PCDHA10: variants seen among roughly 807,000 people sequenced by gnomAD.
The protein encoded by PCDHA10 is protocadherin alpha 10.
PCDHA10 carries 45 observed loss-of-function variants against 61.2 expected under a neutral mutation model. The ratio of observed to expected loss-of-function variants is 0.74; its 90% CI spans 0.58 to 0.94. The LOEUF is 0.94. Among genes scored for constraint, PCDHA10 ranks in the 40% least tolerant of loss-of-function variants. The probability of loss-of-function intolerance (pLI) is 0.00; values close to 1 mark genes in which losing one functional copy is unlikely to be tolerated. For synonymous variants in PCDHA10, 602 were observed against 548.8 expected (o/e 1.10, Z -1.35); for missense variants, 1,278 against 1,236.2 (o/e 1.03, Z -0.51).
At chr5:140,870,219 C>A (rs1188426625) in intron 1 of PCDHA10, 2 of 1,614,034 alleles carry the variant, frequency 1.2e-6, no homozygotes, top group Non-Finnish European at 1.7e-6. Flanking sequence ...CCCTGATCAG[C>A]GTGTCTGACC....
intron 1 of PCDHA10, among the ~76,000 whole-genome samples, chr5:140,971,214 C>T (rs1285730991): frequency 6.6e-6 from 1 of 152,172 alleles, no homozygotes; most frequent in African/African-American, 2.4e-5. Flanking sequence ...GTTACCCTCC[C>T]TCTCCTGACT....
chr5:140,972,766 T>G (rs2096555102), intron 1 of PCDHA10, among the ~76,000 whole-genome samples: 1 of 149,250 alleles, frequency 6.7e-6, no homozygotes, highest in African/African-American at 2.5e-5. Flanking sequence ...CAAGTTAAAG[T>G]GATTCTTCTG....
chr5:140,958,492 A>G (rs2095426229), intron 1 of PCDHA10, among the ~76,000 whole-genome samples: 1 of 152,112 alleles, frequency 6.6e-6, no homozygotes, highest in Non-Finnish European at 1.5e-5. Context: ...AAGTCCACAT[A>G]TCCTAGGAGG....
intron 1 of PCDHA10, chr5:140,969,265 A>T: frequency 1.9e-6 from 3 of 1,614,250 alleles, no homozygotes; most frequent in Non-Finnish European, 2.5e-6. Flanking sequence ...GGAATCTCAC[A>T]GGCCAAAGTG....
intron 1 of PCDHA10, among the ~76,000 whole-genome samples, chr5:140,960,717 T>TATTTTAGTCCATG (rs1244851083): frequency 3.3e-5 from 1 of 30,264 alleles, no homozygotes; most frequent in Non-Finnish European, 6.2e-5. Flanking sequence ...ATACTCATCT[T>TATTTTAGTCCATG]ATTTTAGTCC....
At chr5:140,993,958 G>A (rs782075870) in intron 3 of PCDHA10, among the ~76,000 whole-genome samples, 1 of 152,162 alleles carries the variant, frequency 6.6e-6, no homozygotes, top group Non-Finnish European at 1.5e-5. Context: ...ATACATGACT[G>A]TAGTCATCAT....
intron 1 of PCDHA10, among the ~76,000 whole-genome samples, chr5:140,970,254 T>C (rs1315934666): frequency 1.3e-5 from 2 of 152,238 alleles, no homozygotes; most frequent in African/African-American, 4.8e-5. Context: ...TGACAGTTTC[T>C]ATGGTTTTGA....
rs144585858 is a variant in PCDHA10 at position 140,984,129 on chromosome 5, G to A, written c.2536+1566G>A. On this transcript the variant is annotated intron_variant, in intron 3 of 3. Transcript: ENST00000307360. The stretch of plus-strand genomic sequence containing the variant: ...GGTTTTAGACTGCCAAGTGTTGCAG[G>A]ATGTGGAGGCATCTGGGAAGGTGAG... 1.3e-3 allele frequency among the ~76,000 whole-genome samples: 205 copies of A among 152,236 alleles called. 1 individual carries two copies. Among genetic ancestry groups the A allele is most frequent in the Non-Finnish European group, 2.6e-3 (175 of 68,046 alleles).
intron 1 of PCDHA10, chr5:140,870,128 C>T: frequency 6.2e-7 from 1 of 1,613,948 alleles, no homozygotes; most frequent in Non-Finnish European, 8.5e-7. Flanking sequence ...ATCTTGGACA[C>T]CAACGATAAC....
At chr5:140,924,188 T>A (rs2081715328) in intron 1 of PCDHA10, among the ~76,000 whole-genome samples, 1 of 152,146 alleles carries the variant, frequency 6.6e-6, no homozygotes, top group African/African-American at 2.4e-5. Flanking sequence ...AGAAAATTAG[T>A]TTTGGTTTAG....
At position 140,856,217 on chromosome 5, in the gene PCDHA10, G is replaced by C; in HGVS notation, c.169G>C (p.Glu57Gln). ...IAQDLGLELA[E>Q]LVQRLFRVAS... Reference sequence around the variant, plus strand: ...GCAGGACCTGGGGCTGGAGCTGGCGGAGCTGGTGCAGCGCCTGTTCCGGGT... The same window carrying C: ...GCAGGACCTGGGGCTGGAGCTGGCGCAGCTGGTGCAGCGCCTGTTCCGGGT... The change falls in exon 1 of 4, where the codon GAG becomes CAG. Residue 57 changes from glutamate (E) to glutamine (Q), a missense_variant. Physicochemically the swap from Glu to Gln is conservative, Grantham distance 29 (BLOSUM62 2). Coordinates refer to ENST00000307360, the MANE Select transcript of PCDHA10 (RefSeq NM_018901.4). The C allele has an allele frequency of 6.3e-7, 1 of 1,598,130 alleles. No homozygotes were observed. The highest frequency in any genetic ancestry group is 8.6e-7 in the Non-Finnish European group (1 of 1,167,882).
chr5:140,966,240 G>A (rs1372436745), intron 1 of PCDHA10: 3 of 306,008 alleles, frequency 9.8e-6, no homozygotes, highest in Non-Finnish European at 1.8e-5. Flanking sequence ...GACCCGTTAA[G>A]CAGGGGAGAG....
At chr5:140,920,989 A>C (rs1409702083) in intron 1 of PCDHA10, among the ~76,000 whole-genome samples, 1 of 151,756 alleles carries the variant, frequency 6.6e-6, no homozygotes, top group Non-Finnish European at 1.5e-5. Context: ...GTATTTGCTT[A>C]TTTTTTCAGA....
At chr5:140,961,936 T>C (rs1163967895) in intron 1 of PCDHA10, among the ~76,000 whole-genome samples, 1 of 151,364 alleles carries the variant, frequency 6.6e-6, no homozygotes, top group Non-Finnish European at 1.5e-5. Flanking sequence ...CAGGCTGGAG[T>C]GCAGTGGCAT....
At chr5:140,914,654 T>C (rs2076794688) in intron 1 of PCDHA10, among the ~76,000 whole-genome samples, 1 of 152,202 alleles carries the variant, frequency 6.6e-6, no homozygotes, top group Non-Finnish European at 1.5e-5. Flanking sequence ...CTCTCCCTTC[T>C]TTCCATCTTC....
chr5:140,865,207 G>T (rs2048773206), intron 1 of PCDHA10: 1 of 152,092 alleles, frequency 6.6e-6, no homozygotes. Context: ...AATGTGAATT[G>T]CTTTCTTTAA....
chr5:140,865,419 T>A (rs1327080302), intron 1 of PCDHA10: 2 of 152,314 alleles, frequency 1.3e-5, no homozygotes, highest in African/African-American at 4.8e-5. Flanking sequence ...ATTAGTAGTG[T>A]CTACCTAGAA....
chr5:140,917,324 C>CGGGGGGG (rs1299895515), intron 1 of PCDHA10, among the ~76,000 whole-genome samples: 2 of 76,152 alleles, frequency 2.6e-5, no homozygotes, highest in African/African-American at 4.3e-5. Flanking sequence ...GTTCATGTGG[C>CGGGGGGG]GGGGGAGGGG....
chr5:140,863,469 G>A (rs2153224585), intron 1 of PCDHA10: 1 of 498,172 alleles, frequency 2.0e-6, no homozygotes, highest in Non-Finnish European at 4.0e-6. Context: ...TTACTCTGGA[G>A]AGTCGCCTCC....
Sources: allele counts gnomAD v4.1 joint callset (sites outside exome capture counted in the v4.1 genomes callset), GRCh38; gene constraint gnomAD v4.1.1; transcripts MANE v1.5; gene names NCBI Gene and HGNC (gene_info 2026-07-23, HGNC 2026-07-21).